POLG2: variants seen among roughly 807,000 people sequenced by gnomAD.
POLG2 encodes the protein DNA polymerase subunit gamma-2.
Under a neutral mutation model 56.5 loss-of-function variants are expected in POLG2, and 50 were observed. That is an observed-to-expected ratio of 0.88 (90% CI 0.71 to 1.12). POLG2 has a LOEUF of 1.12. Among genes scored for constraint, POLG2 ranks in the 50% most tolerant of loss-of-function variants. The pLI is 0.00. For synonymous variants in POLG2, 226 were observed against 222.6 expected (o/e 1.02, Z -0.14); for missense variants, 584 against 583.3 (o/e 1.00, Z -0.01).
Position 64,485,798 on chromosome 17 carries a change from A to T in POLG2, c.1040T>A (p.Leu347Gln). 1 of 1,610,826 alleles carries T rather than the reference A, an allele frequency of 6.2e-7. No homozygotes were observed. Among genetic ancestry groups the T allele is most frequent in the Non-Finnish European group, 8.5e-7 (1 of 1,176,970 alleles). ...CTGGAAAGAATCATAGAGGTAGGCC[A>T]GCATGCCTCGGTCTAGGTCCCCATT... is the stretch of plus-strand genomic sequence containing the variant. Reference protein sequence around the residue: ...SVNGDLDRGMLAYLYDSFQLT... With the variant: ...SVNGDLDRGMQAYLYDSFQLT... Residue 347 changes from leucine (L) to glutamine (Q), a missense_variant, in exon 5 of 8, where the codon CTG (leucine) becomes CAG (glutamine). Physicochemically the swap from Leu to Gln is moderately radical, Grantham distance 113. Transcript: ENST00000539111.
chr17:64,481,839 C>T lies in POLG2; in HGVS notation c.1191+1080G>A, dbSNP rs545465116. ...GCAGTGAGCCGAGATCGTGCCACTG[C>T]ACTCCAGCCTGGGTAACAGAGCAAG... On this transcript the variant is annotated intron_variant, in intron 6 of 7. Coordinates refer to ENST00000539111, the MANE Select transcript of POLG2 (RefSeq NM_007215.4). Among the ~76,000 whole-genome samples, 28 of 151,826 alleles carry T rather than the reference C, an allele frequency of 1.8e-4. No homozygotes were observed. The East Asian group carries it at 2.2e-3, about 12-fold the overall frequency.
chr17:64,491,760 A>C (rs2144192263), intron 3 of POLG2: 10 of 694,070 alleles, frequency 1.4e-5, no homozygotes, highest in East Asian at 3.1e-5. Flanking sequence ...CAAGGAGCTC[A>C]AGCACGAGCG....
At chr17:64,492,110 G>C (rs1216446834) in intron 3 of POLG2, among the ~76,000 whole-genome samples, 2 of 152,194 alleles carry the variant, frequency 1.3e-5, no homozygotes, top group Non-Finnish European at 2.9e-5. Flanking sequence ...CATGACTAAA[G>C]TGGGATAAAG....
intron 7 of POLG2, among the ~76,000 whole-genome samples, chr17:64,480,028 T>C (rs2037830976): frequency 6.6e-6 from 1 of 152,212 alleles, no homozygotes; most frequent in South Asian, 2.1e-4. Context: ...CTTTCATCCA[T>C]AAGTGGATAA....
At chr17:64,493,539 C>T (rs984509573) in intron 1 of POLG2, among the ~76,000 whole-genome samples, 2 of 151,998 alleles carry the variant, frequency 1.3e-5, no homozygotes, top group South Asian at 2.1e-4. Context: ...GGCTGGAGTG[C>T]AGTGGCAGGG....
chr17:64,478,789 C>T (rs914269631), intron 7 of POLG2, among the ~76,000 whole-genome samples: 3 of 151,770 alleles, frequency 2.0e-5, no homozygotes, highest in South Asian at 2.1e-4. Flanking sequence ...CCCAGCTACT[C>T]GGGAGGCTGA....
intron 6 of POLG2, chr17:64,481,203 A>C: frequency 3.1e-5 from 26 of 836,860 alleles, no homozygotes; most frequent in Non-Finnish European, 3.5e-5. Flanking sequence ...ACAGCATCCT[A>C]GGAGCTTCCT....
chr17:64,481,659 G>T (rs1220816556), intron 6 of POLG2, among the ~76,000 whole-genome samples: 2 of 152,070 alleles, frequency 1.3e-5, no homozygotes, highest in African/African-American at 2.4e-5. Flanking sequence ...GATCACTTGA[G>T]GTCAGGAGTT....
intron 7 of POLG2, 53 bp downstream of exon 7, chr17:64,480,236 A>G (rs2037834111): frequency 1.5e-6 from 1 of 673,900 alleles, no homozygotes; most frequent in Non-Finnish European, 2.5e-6. Context: ...ATTCATAAAC[A>G]TAATCAAAAA....
intron 4 of POLG2, among the ~76,000 whole-genome samples, chr17:64,488,333 G>C (rs143964314): frequency 2.1e-4 from 32 of 152,262 alleles, no homozygotes; most frequent in African/African-American, 7.5e-4. Context: ...TCTGGAAACA[G>C]AAAAGGAACA....
chr17:64,496,368 C>A, intron 1 of POLG2, 39 bp downstream of exon 1: 1 of 1,390,590 alleles, frequency 7.2e-7, no homozygotes, highest in Non-Finnish European at 9.9e-7. Flanking sequence ...CGCCTTTCCA[C>A]CCGACACCTG....
chr17:64,484,708 G>C (rs1555667129), intron 5 of POLG2, among the ~76,000 whole-genome samples: 1 of 151,840 alleles, frequency 6.6e-6, no homozygotes, highest in African/African-American at 2.4e-5. Flanking sequence ...TCCTTTTTTT[G>C]TTAGCTACAA....
chr17:64,478,950 A>G (rs1201007665), intron 7 of POLG2, among the ~76,000 whole-genome samples: 1 of 152,212 alleles, frequency 6.6e-6, no homozygotes, highest in Non-Finnish European at 1.5e-5. Flanking sequence ...CAAAGTGAAT[A>G]AAACATAGTA....
chr17:64,488,375 G>A (rs1598128095), intron 4 of POLG2, among the ~76,000 whole-genome samples: 2 of 152,030 alleles, frequency 1.3e-5, no homozygotes, highest in East Asian at 3.8e-4. Context: ...TCTGCAATAG[G>A]AAAACTCTTC....
At chr17:64,495,157 G>A (rs1598137316) in intron 1 of POLG2, among the ~76,000 whole-genome samples, 4 of 140,902 alleles carry the variant, frequency 2.8e-5, no homozygotes, top group East Asian at 4.0e-4. Flanking sequence ...CAGCCTGGGC[G>A]GCAGAGCGAG....
At chr17:64,479,591 A>G (rs558413868) in intron 7 of POLG2, among the ~76,000 whole-genome samples, 1 of 152,246 alleles carries the variant, frequency 6.6e-6, no homozygotes, top group African/African-American at 2.4e-5. Flanking sequence ...CTTAAAAAAA[A>G]TAACAAGAAT....
At chr17:64,492,472 C>T (rs1399517280) in intron 3 of POLG2, among the ~76,000 whole-genome samples, 195 bp downstream of exon 3, 2 of 152,088 alleles carry the variant, frequency 1.3e-5, no homozygotes, top group Non-Finnish European at 1.5e-5. Context: ...CACATCTGAG[C>T]CCAACAAATG....
rs1555667964 is a variant in POLG2, at chr17:64,488,750, G to T, written c.969+2046C>A. ...TAATAAGCCTTCTAGTTTTTCATTA[G>T]TTATTCATATTTAAAAATTCCAGCC... On this transcript the variant is annotated intron_variant, in intron 4 of 7. Transcript: ENST00000539111. Among the ~76,000 whole-genome samples the T allele has an allele frequency of 5.3e-5, 8 of 152,074 alleles. No homozygotes were observed. In the South Asian group the frequency reaches 1.7e-3, roughly 32 times the overall value.
intron 5 of POLG2, chr17:64,485,193 T>G (rs2037930260): frequency 6.4e-6 from 1 of 155,766 alleles, no homozygotes; most frequent in Non-Finnish European, 1.4e-5. Context: ...AATCATTTCT[T>G]TTCTCTCCTA....
Sources: gnomAD v4.1 joint callset for allele counts (sites outside exome capture counted in the v4.1 genomes callset) on GRCh38, gnomAD v4.1.1 for gene constraint, MANE v1.5 for transcripts, NCBI Gene and HGNC (gene_info 2026-07-23, HGNC 2026-07-21) for gene names.